The following RABGAP1L variants were observed in gnomAD, a reference collection of about 807,000 sequenced individuals.
RABGAP1L encodes the protein RAB GTPase activating protein 1 like.
In RABGAP1L, 63 loss-of-function variants were observed where a neutral mutation model predicts 137.7. The observed-to-expected ratio is 0.46, with a 90% CI of 0.37 to 0.56. The LOEUF (loss-of-function observed/expected upper bound fraction) is 0.56, where lower values mean the gene tolerates loss of function less well. Ranked by LOEUF, RABGAP1L falls within the 20% of genes least tolerant of loss-of-function variation. The probability of loss-of-function intolerance (pLI) is 0.00; values close to 1 mark genes in which losing one functional copy is unlikely to be tolerated. For synonymous variants in RABGAP1L, 431 were observed against 433.7 expected (o/e 0.99, Z 0.08); for missense variants, 1,095 against 1,244.0 (o/e 0.88, Z 1.80).
At chr1:174,919,102 TC>T (rs1037611352) in intron 19 of RABGAP1L, among the ~76,000 whole-genome samples, 1 of 149,712 alleles carries the variant, frequency 6.7e-6, no homozygotes, top group Non-Finnish European at 1.5e-5. Flanking sequence ...CACTGCAACC[TC>T]CGCCTCCCAG....
chr1:174,208,638 A>G (rs1273305050), intron 1 of RABGAP1L, among the ~76,000 whole-genome samples: 1 of 152,116 alleles, frequency 6.6e-6, no homozygotes, highest in Non-Finnish European at 1.5e-5. Context: ...AATTCTTTTA[A>G]TACATTGTTG....
intron 13 of RABGAP1L, among the ~76,000 whole-genome samples, chr1:174,461,009 A>G (rs144200614): frequency 3.3e-5 from 5 of 152,182 alleles, no homozygotes; most frequent in South Asian, 2.1e-4. Flanking sequence ...ACTCTGTGCT[A>G]CTGCTGCTTT....
chr1:174,343,647 A>T (rs962621208), intron 11 of RABGAP1L, among the ~76,000 whole-genome samples: 3 of 152,278 alleles, frequency 2.0e-5, no homozygotes, highest in East Asian at 3.9e-4. Context: ...CAATACCTAT[A>T]GTCAAATTTT....
intron 13 of RABGAP1L, among the ~76,000 whole-genome samples, chr1:174,422,023 C>G (rs574165385): frequency 3.9e-5 from 6 of 152,310 alleles, no homozygotes; most frequent in African/African-American, 1.4e-4. Context: ...CCTGCCTCAG[C>G]TTCTCAAAGT....
intron 18 of RABGAP1L, among the ~76,000 whole-genome samples, chr1:174,770,229 TG>T (rs1312846455): frequency 6.6e-6 from 1 of 152,232 alleles, no homozygotes; most frequent in Admixed American, 6.5e-5. Context: ...CTTTCTCTAG[TG>T]CATCTTCAGT....
rs574832642 is a variant in RABGAP1L, at chr1:174,249,433, A to G, written c.718-1042A>G. On this transcript the variant is annotated intron_variant, in intron 5 of 25. Coordinates refer to ENST00000681986, the MANE Select transcript of RABGAP1L (RefSeq NM_001366446.1). ...GTGTGTTGGGAAGATTCAGATACCAATATCATTTTAGTAAATTATCTTAGG... is the reference window on the plus strand; with the variant it reads ...GTGTGTTGGGAAGATTCAGATACCAGTATCATTTTAGTAAATTATCTTAGG... Among the ~76,000 whole-genome samples, 25 of 152,278 alleles carry G rather than the reference A, an allele frequency of 1.6e-4. 2 individuals carry two copies. In the East Asian group the frequency reaches 3.1e-3, roughly 19 times the overall value.
chr1:174,612,060 C>T (rs1184569597), intron 13 of RABGAP1L, among the ~76,000 whole-genome samples: 1 of 152,138 alleles, frequency 6.6e-6, no homozygotes, highest in East Asian at 1.9e-4. Context: ...CTTCTCCTGC[C>T]TAATTGCCCT....
chr1:174,314,173 G>C (rs1270122887), intron 11 of RABGAP1L, among the ~76,000 whole-genome samples: 1 of 152,094 alleles, frequency 6.6e-6, no homozygotes, highest in Non-Finnish European at 1.5e-5. Flanking sequence ...TCTTATTATT[G>C]CTTCAATCTC....
At chr1:174,961,870 G>T (rs1451721428) in intron 20 of RABGAP1L, among the ~76,000 whole-genome samples, 13 of 88,494 alleles carry the variant, frequency 1.5e-4, no homozygotes, top group East Asian at 8.5e-4. Context: ...AAAAAAAAAA[G>T]AAACGACCAG....
chr1:174,617,564 T>C (rs1304115928), intron 13 of RABGAP1L, among the ~76,000 whole-genome samples: 2 of 152,228 alleles, frequency 1.3e-5, no homozygotes, highest in East Asian at 3.8e-4. Flanking sequence ...CATCTTCTAC[T>C]TTTAGGTAAC....
At chr1:174,441,482 C>A (rs1654138961) in intron 13 of RABGAP1L, among the ~76,000 whole-genome samples, 1 of 152,110 alleles carries the variant, frequency 6.6e-6, no homozygotes, top group Non-Finnish European at 1.5e-5. Flanking sequence ...CGTCTGTAAT[C>A]CCAGCACTTT....
chr1:174,219,619 A>C (rs1216713721), intron 2 of RABGAP1L, among the ~76,000 whole-genome samples: 1 of 152,168 alleles, frequency 6.6e-6, no homozygotes, highest in Non-Finnish European at 1.5e-5. Flanking sequence ...GGGTTTTAGA[A>C]GTTAATTAAA....
intron 1 of RABGAP1L, among the ~76,000 whole-genome samples, chr1:174,215,283 C>G (rs1468884217): frequency 6.6e-6 from 1 of 151,852 alleles, no homozygotes; most frequent in Non-Finnish European, 1.5e-5. Flanking sequence ...ATAGTGAAAC[C>G]CTGTCTCTAC....
chr1:174,758,300 C>T (rs1434739779), intron 18 of RABGAP1L, among the ~76,000 whole-genome samples: 1 of 151,986 alleles, frequency 6.6e-6, no homozygotes, highest in African/African-American at 2.4e-5. Context: ...CTTTTTCCCC[C>T]TAGCCATTAG....
chr1:174,462,433 T>C (rs1444812557), intron 13 of RABGAP1L, among the ~76,000 whole-genome samples: 2 of 152,206 alleles, frequency 1.3e-5, no homozygotes, highest in Non-Finnish European at 2.9e-5. Context: ...CAACTTCATC[T>C]TGTTAGAGTT....
chr1:174,588,188 C>T (rs531813335), intron 13 of RABGAP1L, among the ~76,000 whole-genome samples: 1 of 147,304 alleles, frequency 6.8e-6, no homozygotes, highest in African/African-American at 2.5e-5. Flanking sequence ...TATTTAGAGA[C>T]AGTCTTGCTC....
intron 20 of RABGAP1L, among the ~76,000 whole-genome samples, chr1:174,967,655 TA>T (rs1218231921): frequency 6.6e-6 from 1 of 151,924 alleles, no homozygotes; most frequent in East Asian, 1.9e-4. Context: ...AGCTAATTTT[TA>T]AAAATTTTTT....
chr1:174,649,019 C>A (rs770118671), intron 14 of RABGAP1L, among the ~76,000 whole-genome samples: 2 of 152,038 alleles, frequency 1.3e-5, no homozygotes, highest in Non-Finnish European at 2.9e-5. Flanking sequence ...ACTAGGATTG[C>A]CACCCCTGCT....
intron 24 of RABGAP1L, among the ~76,000 whole-genome samples, chr1:174,985,944 TTC>T (rs1671556338): frequency 6.6e-6 from 1 of 152,160 alleles, no homozygotes; most frequent in African/African-American, 2.4e-5. Context: ...CTTTCTTTTT[TTC>T]TTTTTTTTTT....
Sources: gnomAD v4.1 joint callset for allele counts (sites outside exome capture counted in the v4.1 genomes callset) on GRCh38, gnomAD v4.1.1 for gene constraint, MANE v1.5 for transcripts, NCBI Gene and HGNC (gene_info 2026-07-23, HGNC 2026-07-21) for gene names.